FARS2: variants seen among roughly 807,000 people sequenced by gnomAD.
FARS2 encodes phenylalanyl-tRNA synthetase 2, mitochondrial.
Under a neutral mutation model 46.4 loss-of-function variants are expected in FARS2, and 40 were observed. The observed-to-expected ratio is 0.86, with a 90% confidence interval of 0.67 to 1.12. The LOEUF is 1.12. Among genes scored for constraint, FARS2 ranks in the 50% most tolerant of loss-of-function variants. The pLI is 0.00. For synonymous variants in FARS2, 234 were observed against 214.9 expected, an observed-to-expected ratio of 1.09 and a Z score of -0.78; for missense variants, 513 against 567.9, an observed-to-expected ratio of 0.90 and a Z score of 0.98.
chr6:5,363,751 C>G (rs917962374), intron 1 of FARS2, among the ~76,000 whole-genome samples: 2 of 152,148 alleles, frequency 1.3e-5, no homozygotes, highest in Non-Finnish European at 2.9e-5. Context: ...GCACCCTTTA[C>G]GTCCCCTCTG....
At chr6:5,498,612 AT>A (rs201741167) in intron 4 of FARS2, among the ~76,000 whole-genome samples, 2,628 of 149,194 alleles carry the variant, frequency 0.018, 41 homozygotes, top group South Asian at 0.085. Flanking sequence ...TGATCCATGT[AT>A]TTTTTTTTTG....
chr6:5,381,370 A>AACACACACAC (rs3057175), intron 2 of FARS2, among the ~76,000 whole-genome samples: 1,833 of 132,932 alleles, frequency 0.014, 19 homozygotes, highest in Non-Finnish European at 0.018. Context: ...ACTCCCCAGA[A>AACACACACAC]ACACACACAC....
chr6:5,725,764 C>T (rs1760208791), intron 6 of FARS2, among the ~76,000 whole-genome samples: 3 of 152,038 alleles, frequency 2.0e-5, no homozygotes, highest in South Asian at 2.1e-4. Flanking sequence ...GGCGAAACCC[C>T]GTGTCTACTA....
intron 1 of FARS2, among the ~76,000 whole-genome samples, chr6:5,341,075 G>T (rs1193370696): frequency 2.0e-5 from 3 of 150,066 alleles, no homozygotes; most frequent in Admixed American, 1.3e-4. Context: ...TTGAACCAGG[G>T]AGGCGGAGGT....
At position 5,752,540 on chromosome 6, in the gene FARS2, C is replaced by T. The variant is rs927754367; in HGVS notation, c.1218-18751C>T. On this transcript the variant is annotated intron_variant, in intron 6 of 6. Coordinates refer to ENST00000274680, the MANE Select transcript of FARS2 (RefSeq NM_006567.5). Reference sequence around the variant, plus strand: ...TCAAATGCCACAAACAGCCAGGTCTCCCAGCCCCTGATTCACTTGTATGCT... The same window carrying T: ...TCAAATGCCACAAACAGCCAGGTCTTCCAGCCCCTGATTCACTTGTATGCT... Among the ~76,000 whole-genome samples the T allele has an allele frequency of 6.2e-4, 95 of 152,178 alleles. 2 individuals carry two copies. Among genetic ancestry groups the T allele is most frequent in the Non-Finnish European group, 1.5e-4 (10 of 68,030 alleles).
intron 6 of FARS2, among the ~76,000 whole-genome samples, chr6:5,763,244 G>A (rs186420610): frequency 6.6e-6 from 1 of 152,248 alleles, no homozygotes; most frequent in East Asian, 1.9e-4. Flanking sequence ...TTGAGCCTAG[G>A]AGTTTGAGAT....
chr6:5,351,183 A>G (rs952563247), intron 1 of FARS2, among the ~76,000 whole-genome samples: 3 of 152,192 alleles, frequency 2.0e-5, no homozygotes, highest in African/African-American at 7.2e-5. Flanking sequence ...ACTGGAGCAT[A>G]GGGCCATTAT....
chr6:5,567,172 G>A (rs1418619190), intron 5 of FARS2, among the ~76,000 whole-genome samples: 1 of 152,152 alleles, frequency 6.6e-6, no homozygotes, highest in Admixed American at 6.5e-5. Flanking sequence ...CCTCGCCAAC[G>A]AGTTATTTTT....
intron 5 of FARS2, among the ~76,000 whole-genome samples, chr6:5,576,625 A>G (rs950760353): frequency 5.0e-5 from 3 of 59,908 alleles, no homozygotes; most frequent in Admixed American, 3.0e-4. Flanking sequence ...AGTATATATC[A>G]TATATTAACA....
intron 4 of FARS2, among the ~76,000 whole-genome samples, chr6:5,533,168 A>C (rs1769971440): frequency 6.6e-6 from 1 of 152,190 alleles, no homozygotes; most frequent in Non-Finnish European, 1.5e-5. Flanking sequence ...CCCTGTATAC[A>C]GTAGAACTCA....
At chr6:5,719,383 T>C (rs1170163279) in intron 6 of FARS2, among the ~76,000 whole-genome samples, 1 of 67,064 alleles carries the variant, frequency 1.5e-5, no homozygotes, top group Non-Finnish European at 2.7e-5. Context: ...CAAGACCCTG[T>C]CTCAAAAAAA....
At chr6:5,601,526 A>C (rs1472611386) in intron 5 of FARS2, among the ~76,000 whole-genome samples, 8 of 9,002 alleles carry the variant, frequency 8.9e-4, no homozygotes, top group South Asian at 4.8e-3. Context: ...CTCCATCACA[A>C]AAAAAAAAAA....
upstream of FARS2, chr6:5,261,061 G>A (rs1436324746): frequency 3.2e-6 from 2 of 630,380 alleles, no homozygotes; most frequent in East Asian, 2.1e-4. Flanking sequence ...GGGAGGGCGG[G>A]GAAATAAGAG....
chr6:5,430,756 G>A (rs1459413344), intron 3 of FARS2, among the ~76,000 whole-genome samples: 1 of 152,092 alleles, frequency 6.6e-6, no homozygotes, highest in Non-Finnish European at 1.5e-5. Context: ...TTGGCCTAGT[G>A]TTTTCTTCTG....
chr6:5,673,472 C>T lies in FARS2; in HGVS notation c.1217+60152C>T, dbSNP rs144887373. On this transcript the variant is annotated intron_variant, in intron 6 of 6. Transcript: ENST00000274680. ...GTATCTGAGGAAGCAAGAAGAGATC[C>T]GGGTTAGCAAGGATACGATTACAAT... 2.8e-4 allele frequency among the ~76,000 whole-genome samples: 43 copies of T among 152,258 alleles called. No homozygotes were observed. In the East Asian group the frequency reaches 7.9e-3, roughly 28 times the overall value.
intron 1 of FARS2, among the ~76,000 whole-genome samples, chr6:5,329,487 A>G (rs1770641887): frequency 6.6e-6 from 1 of 152,138 alleles, no homozygotes; most frequent in Non-Finnish European, 1.5e-5. Context: ...TATGTCAACC[A>G]ATCATCCAAG....
In FARS2 at chr6:5,311,438, A is replaced by T. The variant is rs144810098; in HGVS notation, c.-22+49778A>T. Among the ~76,000 whole-genome samples the T allele has an allele frequency of 7.2e-4, 110 of 152,220 alleles. No individual in the cohort carries two copies. The highest frequency in any genetic ancestry group is 6.8e-3 in the Middle Eastern group (2 of 294). On this transcript the variant is annotated intron_variant, in intron 1 of 6. Coordinates refer to ENST00000274680, the MANE Select transcript of FARS2 (RefSeq NM_006567.5). The surrounding 1 kb of genome is among the most constrained non-coding windows in gnomAD (Gnocchi z 4.1). The stretch of plus-strand genomic sequence containing the variant: ...TGTGTGTGTACATTTGGCATGTTTT[A>T]TTATTCTCATTATTTTTAACTCAAC...
At chr6:5,465,686 T>C (rs1024235893) in intron 4 of FARS2, among the ~76,000 whole-genome samples, 8 of 152,196 alleles carry the variant, frequency 5.3e-5, no homozygotes, top group Admixed American at 4.6e-4. Context: ...CTATAACCTT[T>C]GGTATTTGTC....
chr6:5,332,549 GA>G (rs1276411793), intron 1 of FARS2, among the ~76,000 whole-genome samples: 2 of 152,176 alleles, frequency 1.3e-5, no homozygotes, highest in Non-Finnish European at 2.9e-5. Flanking sequence ...TGATTTTGGT[GA>G]TTGATATTAT....
Sources: allele counts gnomAD v4.1 joint callset (sites outside exome capture counted in the v4.1 genomes callset), GRCh38; gene constraint gnomAD v4.1.1; non-coding constraint Gnocchi (gnomAD v3.1); transcripts MANE v1.5; gene names NCBI Gene and HGNC (gene_info 2026-07-23, HGNC 2026-07-21).